Variants in BOK observed in about 807,000 individuals in gnomAD.
BOK encodes the protein bcl-2-related ovarian killer protein.
In BOK, 20 loss-of-function variants were observed where a neutral mutation model predicts 18.3. The ratio of observed to expected loss-of-function variants is 1.09; its 90% confidence interval spans 0.77 to 1.59. BOK has a LOEUF of 1.59. Ranked by LOEUF, BOK falls within the 40% of genes most tolerant of loss-of-function variation. The pLI is 0.00. For missense variants in BOK, 348 were observed against 307.9 expected (o/e 1.13, Z -0.97); for synonymous variants, 173 against 142.4 (o/e 1.21, Z -1.53).
At chr2:241,558,643 G>A (rs2066474738), upstream of BOK, 2 of 152,398 alleles carry the variant, frequency 1.3e-5, no homozygotes, top group Non-Finnish European at 1.5e-5. Flanking sequence ...CGCATCCAGG[G>A]AACTCGCTCG....
At position 241,562,700 on chromosome 2, in the gene BOK, T is replaced by A. The variant is rs1020101456; in HGVS notation, c.349+224T>A. Among the ~76,000 whole-genome samples, 1 of 152,200 alleles carries A rather than the reference T, an allele frequency of 6.6e-6. No individual in the cohort carries two copies. The highest frequency in any genetic ancestry group is 2.4e-5 in the African/African-American group (1 of 41,462). On this transcript the variant is annotated intron_variant, in intron 3 of 4. Transcript: ENST00000318407. The surrounding 1 kb of genome is among the most constrained non-coding windows in gnomAD (Gnocchi z 4.5). Reference sequence around the variant, plus strand: ...TGGTTCTGCAGGCTGGTGGGCATGCTGAGCAGCTGGCACAGGCTTCTTGAT... The same window carrying A: ...TGGTTCTGCAGGCTGGTGGGCATGCAGAGCAGCTGGCACAGGCTTCTTGAT...
chr2:241,553,590 C>T (rs1229959557), intron 1 of BOK, among the ~76,000 whole-genome samples: 2 of 152,128 alleles, frequency 1.3e-5, no homozygotes, highest in African/African-American at 2.4e-5. Context: ...TCTTACGAGG[C>T]GGAAGGAGGA....
chr2:241,557,186 T>G (rs1283408937), upstream of BOK, among the ~76,000 whole-genome samples: 1 of 152,160 alleles, frequency 6.6e-6, no homozygotes, highest in African/African-American at 2.4e-5. Context: ...TTTTCTCTAT[T>G]TTTTGCTTTA....
At chr2:241,571,901 G>A (rs1370633846) in intron 4 of BOK, among the ~76,000 whole-genome samples, 1 of 152,246 alleles carries the variant, frequency 6.6e-6, no homozygotes, top group Non-Finnish European at 1.5e-5. Context: ...AGGCCCCACA[G>A]GAGGATGACG....
At chr2:241,552,604 C>T (rs2066422584) in intron 1 of BOK, among the ~76,000 whole-genome samples, 1 of 152,212 alleles carries the variant, frequency 6.6e-6, no homozygotes, top group Admixed American at 6.5e-5. Flanking sequence ...TCCCCGCCCC[C>T]GTCTCCTGTG....
At chr2:241,559,819 G>GCCAGGCGCTCGGGACAGGGCCAC (rs2066498787) in intron 2 of BOK, 116 bp downstream of exon 2, 1 of 1,173,092 alleles carries the variant, frequency 8.5e-7, no homozygotes, top group African/African-American at 1.6e-5. Flanking sequence ...GCCTGGGACG[G>GCCAGGCGCTCGGGACAGGGCCAC]CCAGGCGCTC....
chr2:241,566,090 G>A (rs1030284121), intron 3 of BOK, among the ~76,000 whole-genome samples: 8 of 151,882 alleles, frequency 5.3e-5, no homozygotes, highest in Admixed American at 4.6e-4. Flanking sequence ...TTTGAGACCA[G>A]CCTGACCAAA....
At chr2:241,557,476 A>AT (rs112911146), upstream of BOK, among the ~76,000 whole-genome samples, 4 of 151,750 alleles carry the variant, frequency 2.6e-5, no homozygotes, top group African/African-American at 9.7e-5. Context: ...CACCCAACTC[A>AT]TTTTTTGTAT....
intron 2 of BOK, chr2:241,560,241 C>T: frequency 1.0e-6 from 1 of 985,468 alleles, no homozygotes; most frequent in South Asian, 4.7e-5. Flanking sequence ...ACACGGTCCA[C>T]TGGCTGCCCC....
chr2:241,572,424 C>T lies in BOK; in HGVS notation c.*2C>T. The T allele has an allele frequency of 6.3e-7, 1 of 1,595,720 alleles. No homozygotes were observed. Among genetic ancestry groups the T allele is most frequent in the Non-Finnish European group, 8.5e-7 (1 of 1,177,590 alleles). On this transcript the variant is annotated 3_prime_UTR_variant, in exon 5 of 5. Coordinates refer to ENST00000318407, the MANE Select transcript of BOK (RefSeq NM_032515.5). The stretch of plus-strand genomic sequence containing the variant: ...TTCGTGCTGCTGCCAGAGAGATGAG[C>T]TGCCCACCTGGCAGTGGCCGCAGCC...
chr2:241,562,238 G>C lies in BOK; in HGVS notation c.221-110G>C, dbSNP rs1340312394. On this transcript the variant is annotated intron_variant, in intron 2 of 4. Coordinates refer to ENST00000318407, the MANE Select transcript of BOK (RefSeq NM_032515.5). The surrounding 1 kb of genome is among the most constrained non-coding windows in gnomAD (Gnocchi z 4.5). ...AATCAGACAAGTGAGGAACAGGCTG[G>C]AATTCAAGCATGGTCAGGTGGGGGT... is the stretch of plus-strand genomic sequence containing the variant. 1 of 1,376,836 alleles carries C rather than the reference G, an allele frequency of 7.3e-7. No homozygotes were observed. The highest frequency in any genetic ancestry group is 2.4e-5 in the East Asian group (1 of 40,984). 85.3% of individuals were successfully genotyped at this position (1,376,836 alleles called of 1,614,324 possible).
intron 3 of BOK, among the ~76,000 whole-genome samples, chr2:241,567,885 T>TAAAC (rs2066640302): frequency 3.9e-5 from 3 of 77,512 alleles, no homozygotes; most frequent in Admixed American, 1.3e-4. Context: ...CAGCTACTAG[T>TAAAC]CTCAGGAGGT....
chr2:241,560,528 G>A (rs746577593), intron 2 of BOK, among the ~76,000 whole-genome samples: 1 of 152,260 alleles, frequency 6.6e-6, no homozygotes, highest in Non-Finnish European at 1.5e-5. Context: ...ATGGGCTCTA[G>A]GTGGCCCCTG....
In BOK at chr2:241,553,341, G is replaced by A. The variant is rs572272511; in HGVS notation, n.54+1864G>A. On this transcript the variant is annotated intron_variant and non_coding_transcript_variant, in intron 1 of 1. Coordinates refer to the BOK transcript ENST00000641230. ...AATTTTTTGTATTTTTAGTAGAGAC[G>A]GGGTTTCACCATGTTGGCCAGGGTG... Among the ~76,000 whole-genome samples, 10 of 152,188 alleles carry A rather than the reference G, an allele frequency of 6.6e-5. No homozygotes were observed. The East Asian group carries it at 1.7e-3, about 27-fold the overall frequency.
At chr2:241,568,600 T>C (rs2066654389) in intron 3 of BOK, among the ~76,000 whole-genome samples, 2 of 152,024 alleles carry the variant, frequency 1.3e-5, no homozygotes, top group South Asian at 4.2e-4. Context: ...GTATTTTTAG[T>C]AGAGATGGGG....
upstream of BOK, among the ~76,000 whole-genome samples, chr2:241,557,159 A>G (rs2066459004): frequency 6.6e-6 from 1 of 151,876 alleles, no homozygotes; most frequent in Non-Finnish European, 1.5e-5. Context: ...CAAAGAACCA[A>G]TTTTTGGCTT....
intron 3 of BOK, among the ~76,000 whole-genome samples, chr2:241,563,741 A>G (rs1418313429): frequency 2.0e-5 from 3 of 152,202 alleles, no homozygotes; most frequent in South Asian, 2.1e-4. Context: ...TGACAGCAGC[A>G]GGAGCCAGGC....
intron 1 of BOK, among the ~76,000 whole-genome samples, chr2:241,552,045 G>A (rs1226910291): frequency 6.6e-6 from 1 of 152,240 alleles, no homozygotes; most frequent in Non-Finnish European, 1.5e-5. Context: ...AGAGGCAGGA[G>A]GGGCTCTGGT....
At chr2:241,563,105 C>T (rs74003742) in intron 3 of BOK, among the ~76,000 whole-genome samples, 25,026 of 152,100 alleles carry the variant, frequency 0.16, 2,498 homozygotes, top group African/African-American at 0.27. Flanking sequence ...CTGTGACCCT[C>T]CTGTGCGCTC....
Sources: allele counts gnomAD v4.1 joint callset (sites outside exome capture counted in the v4.1 genomes callset), GRCh38; gene constraint gnomAD v4.1.1; non-coding constraint Gnocchi (gnomAD v3.1); transcripts MANE v1.5; gene names NCBI Gene and HGNC (gene_info 2026-07-23, HGNC 2026-07-21).